Variants in PARG observed in about 807,000 individuals in gnomAD.
The protein encoded by PARG is mitochondrial poly(ADP-ribose) glycohydrolase.
PARG carries 35 observed loss-of-function variants against 113.0 expected under a neutral mutation model. The observed-to-expected ratio is 0.31, with a 90% confidence interval of 0.24 to 0.41. PARG has a LOEUF of 0.41. Ranked by LOEUF, PARG falls within the 10% of genes least tolerant of loss-of-function variation. The pLI, the probability that PARG is intolerant of heterozygous loss-of-function variation, is 1.00. For missense variants in PARG, 797 were observed against 1,169.4 expected, an observed-to-expected ratio of 0.68 and a Z score of 4.64; for synonymous variants, 330 against 409.9, an observed-to-expected ratio of 0.81 and a Z score of 2.36.
intron 7 of PARG, among the ~76,000 whole-genome samples, chr10:49,904,345 C>G (rs1165241889): frequency 6.7e-6 from 1 of 150,362 alleles, no homozygotes; most frequent in Non-Finnish European, 1.5e-5. Context: ...ATATAACCTG[C>G]ATTAAGTGGT....
chr10:49,825,142 T>C (rs1844289494), intron 16 of PARG, among the ~76,000 whole-genome samples: 1 of 152,182 alleles, frequency 6.6e-6, no homozygotes, highest in Non-Finnish European at 1.5e-5. Flanking sequence ...ATTTCACTTC[T>C]TGTTTCTACC....
rs1447531438 is a variant in PARG, at chr10:49,879,788, T to C, written c.1873A>G (p.Met625Val). ...AGACTGGCAATCTGTTCCTGCGACATTGTGATGGAATGATTCATCTTCTGT... is the reference window on the plus strand; with the variant it reads ...AGACTGGCAATCTGTTCCTGCGACACTGTGATGGAATGATTCATCTTCTGT... Reference protein sequence around the residue: ...LKQKMNHSITMSQEQIASLLA... With the variant: ...LKQKMNHSITVSQEQIASLLA... Residue 625 changes from methionine (M) to valine (V), a missense_variant, in exon 9 of 18, where the codon ATG becomes GTG. Met to Val is a conservative substitution (Grantham distance 21). Coordinates refer to ENST00000616448, the MANE Select transcript of PARG (RefSeq NM_003631.5). 8 of 1,263,570 alleles carry C rather than the reference T, an allele frequency of 6.3e-6. No homozygotes were observed. Among genetic ancestry groups the C allele is most frequent in the Admixed American group, 1.9e-5 (1 of 51,996 alleles). 78.3% of individuals were successfully genotyped at this position (1,263,570 alleles called of 1,614,324 possible).
At position 49,932,273 on chromosome 10, in the gene PARG, A is replaced by C; in HGVS notation, c.1282T>G (p.Trp428Gly). 6.4e-7 allele frequency: 1 copy of C among 1,570,796 alleles called. No individual in the cohort carries two copies. Among genetic ancestry groups the C allele is most frequent in the African/African-American group, 1.3e-5 (1 of 74,202 alleles). ...PKAEDRRKEQWETKHQRTERK... is the reference protein window; with the variant it reads ...PKAEDRRKEQGETKHQRTERK... ...TCTGTTCTTTGATGTTTGGTTTCCC[A>C]CTGTTCTTTTCTAAGGTCAAGACAA... The change falls in exon 4 of 18, where the codon TGG becomes GGG. Residue 428 changes from tryptophan (W) to glycine (G), a missense_variant. Coordinates refer to ENST00000616448, the MANE Select transcript of PARG (RefSeq NM_003631.5).
At chr10:49,917,758 C>T (rs1313341885) in intron 6 of PARG, among the ~76,000 whole-genome samples, 2 of 144,798 alleles carry the variant, frequency 1.4e-5, no homozygotes, top group East Asian at 2.0e-4. Flanking sequence ...GTTGAGGTTG[C>T]AGTGAGCCGA....
intron 4 of PARG, among the ~76,000 whole-genome samples, chr10:49,929,664 C>T (rs1285039912): frequency 2.0e-5 from 3 of 152,056 alleles, no homozygotes; most frequent in African/African-American, 7.2e-5. Context: ...CCCGTCTCTA[C>T]TAAAATACAA....
intron 7 of PARG, among the ~76,000 whole-genome samples, chr10:49,913,942 G>A (rs1430958517): frequency 2.0e-5 from 3 of 151,994 alleles, no homozygotes; most frequent in Non-Finnish European, 2.9e-5. Context: ...GGTCGAAAAC[G>A]CAAGGACTCT....
intron 7 of PARG, among the ~76,000 whole-genome samples, chr10:49,886,004 C>A (rs1554840391): frequency 6.6e-6 from 1 of 152,102 alleles, no homozygotes; most frequent in Non-Finnish European, 1.5e-5. Flanking sequence ...CTGGAAATGA[C>A]AACACTCTTA....
chr10:49,825,484 T>G (rs1232069799), intron 16 of PARG, among the ~76,000 whole-genome samples: 10 of 152,216 alleles, frequency 6.6e-5, no homozygotes, highest in African/African-American at 2.4e-4. Flanking sequence ...GATGCCTCAG[T>G]TGTTGCCCCT....
chr10:49,903,990 C>T (rs1301269568), intron 7 of PARG, among the ~76,000 whole-genome samples: 1 of 152,068 alleles, frequency 6.6e-6, no homozygotes, highest in Non-Finnish European at 1.5e-5. Flanking sequence ...GTGACTCTTA[C>T]AATATACTAG....
chr10:49,890,881 G>C (rs1273945794), intron 7 of PARG, among the ~76,000 whole-genome samples: 1 of 152,164 alleles, frequency 6.6e-6, no homozygotes, highest in Non-Finnish European at 1.5e-5. Flanking sequence ...CTGACATATG[G>C]AAAGTATTAA....
At chr10:49,854,997 C>T (rs1845921353) in intron 13 of PARG, among the ~76,000 whole-genome samples, 1 of 148,144 alleles carries the variant, frequency 6.8e-6, no homozygotes, top group Admixed American at 6.7e-5. Context: ...AAAAAAAAAG[C>T]AGTCAGTAGT....
intron 11 of PARG, among the ~76,000 whole-genome samples, chr10:49,861,915 T>C (rs1846272012): frequency 6.6e-6 from 1 of 151,662 alleles, no homozygotes; most frequent in Admixed American, 6.6e-5. Flanking sequence ...ATGAAAGTTT[T>C]TCTTCTTTAA....
At chr10:49,896,456 T>C (rs2132717249) in intron 7 of PARG, among the ~76,000 whole-genome samples, 1 of 152,294 alleles carries the variant, frequency 6.6e-6, no homozygotes, top group South Asian at 2.1e-4. Context: ...AGCTAATTTT[T>C]GTAATTTTAG....
chr10:49,820,896 T>C (rs1454114551), intron 16 of PARG, among the ~76,000 whole-genome samples: 6 of 152,160 alleles, frequency 3.9e-5, no homozygotes, highest in African/African-American at 1.4e-4. Context: ...AGTATTTATA[T>C]TCGCTTCTAT....
At chr10:49,889,398 C>G (rs1424436659) in intron 7 of PARG, among the ~76,000 whole-genome samples, 1 of 152,140 alleles carries the variant, frequency 6.6e-6, no homozygotes, top group African/African-American at 2.4e-5. Context: ...GGTAAAAATT[C>G]ATGTTCCCCA....
At chr10:49,895,472 C>T (rs1464968711) in intron 7 of PARG, among the ~76,000 whole-genome samples, 1 of 151,658 alleles carries the variant, frequency 6.6e-6, no homozygotes, top group South Asian at 2.1e-4. Context: ...GGCATGATCT[C>T]GGCTCACTGC....
chr10:49,865,442 C>CAT, intron 10 of PARG, 61 bp from the exon 11 acceptor site: 1 of 162,564 alleles, frequency 6.2e-6, no homozygotes, highest in South Asian at 7.4e-5. Context: ...AAAGATTATA[C>CAT]ACACACACAC....
intron 10 of PARG, among the ~76,000 whole-genome samples, chr10:49,867,817 T>C (rs1476730114): frequency 1.6e-4 from 24 of 151,944 alleles, no homozygotes; most frequent in African/African-American, 4.3e-4. Flanking sequence ...AAAGCCAAGT[T>C]AGTTTTTAGA....
intron 13 of PARG, among the ~76,000 whole-genome samples, chr10:49,844,834 A>T (rs1490689728): frequency 6.6e-6 from 1 of 152,192 alleles, no homozygotes; most frequent in African/African-American, 2.4e-5. Flanking sequence ...TGGAGAAAAA[A>T]TATTTGCAAA....
Sources: gnomAD v4.1 joint callset for allele counts (sites outside exome capture counted in the v4.1 genomes callset) on GRCh38, gnomAD v4.1.1 for gene constraint, MANE v1.5 for transcripts, NCBI Gene and HGNC (gene_info 2026-07-23, HGNC 2026-07-21) for gene names.